Variants in PELP1 observed in about 807,000 individuals in gnomAD.
PELP1 encodes proline-, glutamic acid- and leucine-rich protein 1.
Under a neutral mutation model 95.5 loss-of-function variants are expected in PELP1, and 32 were observed. The ratio of observed to expected loss-of-function variants is 0.34; its 90% confidence interval spans 0.25 to 0.45. PELP1 has a LOEUF of 0.45. PELP1 is among the 20% of genes least tolerant of loss of function. The pLI is 1.00. For missense variants in PELP1, 1,358 were observed against 1,444.8 expected, an observed-to-expected ratio of 0.94 and a Z score of 0.97; for synonymous variants, 668 against 600.1, an observed-to-expected ratio of 1.11 and a Z score of -1.65.
At chr17:4,691,139 T>C (rs1015867911) in intron 2 of PELP1, 146 bp from the exon 3 acceptor site, 6 of 672,216 alleles carry the variant, frequency 8.9e-6, no homozygotes, top group Admixed American at 2.7e-5. Flanking sequence ...TGGAATGAGG[T>C]GGAAGAAGCA....
intron 3 of PELP1, among the ~76,000 whole-genome samples, chr17:4,687,116 C>G (rs1912933459): frequency 1.3e-5 from 2 of 152,178 alleles, no homozygotes; most frequent in South Asian, 4.1e-4. Context: ...GGACTGCTGG[C>G]CCTGATCACA....
Position 4,673,645 on chromosome 17 carries a change from G to T in PELP1, c.1612C>A (p.Pro538Thr). The part of the protein sequence containing the change: ...GLSRTILMCG[P>T]LIKEETHRRL... Reference sequence around the variant, plus strand: ...CTGTGAGTCTCCTCCTTGATGAGAGGCCCACACATGAGGATGGTCCGGCTG... The same window carrying T: ...CTGTGAGTCTCCTCCTTGATGAGAGTCCCACACATGAGGATGGTCCGGCTG... The change falls in exon 14 of 17, where the codon CCT becomes ACT. Residue 538 changes from proline to threonine, a missense_variant. Coordinates refer to ENST00000572293, the MANE Select transcript of PELP1 (RefSeq NM_014389.3). The surrounding 1 kb of genome is among the most constrained non-coding windows in gnomAD (Gnocchi z 5.7). 2 of 1,613,886 alleles carry T rather than the reference G, an allele frequency of 1.2e-6. No individual in the cohort carries two copies. The highest frequency in any genetic ancestry group is 1.7e-6 in the Non-Finnish European group (2 of 1,179,796).
At chr17:4,681,464 T>C (rs1489648345) in intron 5 of PELP1, among the ~76,000 whole-genome samples, 1 of 151,674 alleles carries the variant, frequency 6.6e-6, no homozygotes, top group Non-Finnish European at 1.5e-5. Flanking sequence ...TGAGCCGATA[T>C]CACACCACTG....
Position 4,683,259 on chromosome 17 carries a change from C to G in PELP1, c.421-307G>C, listed in dbSNP as rs537365565. 7.6e-4 allele frequency: 170 copies of G among 224,768 alleles called. 1 individual carries two copies. The highest frequency in any genetic ancestry group is 1.2e-3 in the Non-Finnish European group (157 of 129,864). The allele number at this position is 224,768 out of a possible 1,614,324, so 13.9% of individuals were successfully genotyped here. A position where few individuals can be genotyped will look rare whatever the true frequency, so the allele number is the denominator to read the frequency against. ...TTTTTGAGACGGAGTCTTGCTCTGT[C>G]ACCCAGGCTGGAGTGCAGTGGCGCG... On this transcript the variant is annotated intron_variant, in intron 3 of 16. Coordinates refer to ENST00000572293, the MANE Select transcript of PELP1 (RefSeq NM_014389.3).
At chr17:4,683,052 AT>A (rs1323500610) in intron 3 of PELP1, 100 bp from the exon 4 acceptor site, 1 of 1,369,224 alleles carries the variant, frequency 7.3e-7, no homozygotes, top group African/African-American at 1.5e-5. Context: ...GCCACGGTTA[AT>A]GTCAGTCTGA....
chr17:4,680,485 C>T (rs545859463), intron 5 of PELP1, among the ~76,000 whole-genome samples: 2 of 152,102 alleles, frequency 1.3e-5, no homozygotes, highest in South Asian at 4.1e-4. Flanking sequence ...ACTGTGTTGC[C>T]CAGGCTGGTC....
intron 2 of PELP1, 22 bp downstream of exon 2, chr17:4,691,356 A>C (rs763238255): frequency 2.3e-5 from 37 of 1,595,418 alleles, no homozygotes; most frequent in Non-Finnish European, 3.0e-5. Context: ...CCCCTGGAGA[A>C]AAAAAAGGGC....
At chr17:4,697,155 A>G (rs1011590063) in intron 1 of PELP1, among the ~76,000 whole-genome samples, 1 of 152,172 alleles carries the variant, frequency 6.6e-6, no homozygotes, top group African/African-American at 2.4e-5. Flanking sequence ...CAGAGGTCAC[A>G]GAGGTGAGGA....
Position 4,675,921 on chromosome 17 carries a change from G to A in PELP1, c.981-37C>T, listed in dbSNP as rs542293158. The A allele has an allele frequency of 1.9e-6, 3 of 1,573,866 alleles. No individual in the cohort carries two copies. Among genetic ancestry groups the A allele is most frequent in the Admixed American group, 3.6e-5 (2 of 55,516 alleles). ...CAGAGCAGGGAGACCTTCAGAGCAG[G>A]CTCCCTGGCATAACTCCCACACCCA... On this transcript the variant is annotated intron_variant, in intron 8 of 16. Transcript: ENST00000572293. This position sits in a 1 kb window ranked among gnomAD's most constrained non-coding sequence, Gnocchi z 4.3.
At chr17:4,702,341 G>T (rs962853211) in intron 1 of PELP1, among the ~76,000 whole-genome samples, 4 of 152,084 alleles carry the variant, frequency 2.6e-5, no homozygotes, top group Admixed American at 2.6e-4. Flanking sequence ...ATCCCTTGAG[G>T]CTGGGAAATG....
chr17:4,679,732 C>T (rs1376650640), intron 5 of PELP1, among the ~76,000 whole-genome samples: 1 of 152,152 alleles, frequency 6.6e-6, no homozygotes, highest in Non-Finnish European at 1.5e-5. Flanking sequence ...TTAATAAAAT[C>T]GATGAGTCAC....
intron 1 of PELP1, among the ~76,000 whole-genome samples, chr17:4,702,781 A>G (rs994189868): frequency 1.3e-5 from 2 of 152,152 alleles, no homozygotes; most frequent in African/African-American, 4.8e-5. Flanking sequence ...ATGGGTCTTG[A>G]AGGATGGGTA....
At chr17:4,688,195 C>T (rs139330508) in intron 3 of PELP1, among the ~76,000 whole-genome samples, 24,671 of 152,080 alleles carry the variant, frequency 0.16, 2,592 homozygotes, top group Non-Finnish European at 0.25. Flanking sequence ...ATTAGCCGGG[C>T]GGGGTGGCAG....
rs527389094 is a variant in PELP1 at position 4,698,514 on chromosome 17, C to T, written c.249+5349G>A. ...AAAATTAGCCAGGCATGGTAGCAGG[C>T]GCTTGTAATCCCAGCTACTTGGGAG... On this transcript the variant is annotated intron_variant, in intron 1 of 16. Coordinates refer to ENST00000572293, the MANE Select transcript of PELP1 (RefSeq NM_014389.3). 1.3e-4 allele frequency among the ~76,000 whole-genome samples: 19 copies of T among 150,270 alleles called. No homozygotes were observed. The East Asian group carries it at 3.5e-3, about 28-fold the overall frequency.
chr17:4,698,870 T>C (rs1451729302), intron 1 of PELP1, among the ~76,000 whole-genome samples: 1 of 152,128 alleles, frequency 6.6e-6, no homozygotes, highest in Non-Finnish European at 1.5e-5. Flanking sequence ...TGTAAGAGAA[T>C]GTCCTTGTTT....
chr17:4,674,895 C>G lies in PELP1; in HGVS notation c.1336G>C (p.Ala446Pro). 6.2e-7 allele frequency: 1 copy of G among 1,613,796 alleles called. No homozygotes were observed. The highest frequency in any genetic ancestry group is 8.5e-7 in the Non-Finnish European group (1 of 1,179,826). The stretch of plus-strand genomic sequence containing the variant: ...GAGGCTCCTCCCTGAAGCATTCCCG[C>G]CGAGGCCCCACAAACCTGCACCCAC... ...ELWVQVCGAS[A>P]GMLQGGASGE... Residue 446 changes from alanine to proline, a missense_variant, in exon 12 of 17, where the codon GCG becomes CCG. By Grantham distance (27) the Ala-to-Pro change is conservative. This residue lies in a region of PELP1 where 538 missense variants were observed against 628.1 expected (regional missense o/e 0.86). Transcript: ENST00000572293.
intron 1 of PELP1, among the ~76,000 whole-genome samples, chr17:4,692,017 C>T (rs1030332292): frequency 6.6e-6 from 1 of 152,168 alleles, no homozygotes; most frequent in African/African-American, 2.4e-5. Context: ...AATGGCCAGC[C>T]TCCTCTCACG....
At position 4,672,270 on chromosome 17, in the gene PELP1, CTCCTCTTCCTCT is replaced by C; in HGVS notation, c.2709_2720del (p.Glu905_Glu908del). 1 of 1,552,262 alleles carries C rather than the reference CTCCTCTTCCTCT, an allele frequency of 6.4e-7. No individual in the cohort carries two copies. The highest frequency in any genetic ancestry group is 8.7e-7 in the Non-Finnish European group (1 of 1,147,274). On this transcript the variant is annotated inframe_deletion, in exon 16 of 17. Transcript: ENST00000572293. ...CCTCTTCCTCTTCCTCAAAGTCTTC[CTCCTCTTCCTCT>C]TCTTCCTCTTCTTCTTCTTCCTCTT... is the stretch of plus-strand genomic sequence containing the variant.
Position 4,674,642 on chromosome 17 carries a change from C to T in PELP1, c.1450G>A (p.Gly484Arg). 1 of 1,601,842 alleles carries T rather than the reference C, an allele frequency of 6.2e-7. No homozygotes were observed. The highest frequency in any genetic ancestry group is 8.5e-7 in the Non-Finnish European group (1 of 1,176,646). Residue 484 changes from glycine to arginine, a missense_variant, in exon 13 of 17, where the codon GGG becomes AGG. Physicochemically the swap from Gly to Arg is moderately radical, Grantham distance 125. Around this residue, in one of 7 missense-constraint regions of PELP1, gnomAD observed 538 missense variants for 628.1 expected, o/e 0.86. Coordinates refer to ENST00000572293, the MANE Select transcript of PELP1 (RefSeq NM_014389.3). ...CTAGGCTTCCCAGTCTGCAAACTCC[C>T]ATCAGGGCTCCCCCGCGGGCTACGC... Reference protein sequence around the residue: ...KLRSPRGSPDGSLQTGKPSAP... With the variant: ...KLRSPRGSPDRSLQTGKPSAP...
Sources: gnomAD v4.1 joint callset for allele counts (sites outside exome capture counted in the v4.1 genomes callset) on GRCh38, gnomAD v4.1.1 for gene constraint, gnomAD v4.1.1 regional missense constraint, Gnocchi (gnomAD v3.1) non-coding constraint, MANE v1.5 for transcripts, NCBI Gene and HGNC (gene_info 2026-07-23, HGNC 2026-07-21) for gene names.